The following ANKRD44 variants were observed in gnomAD, a reference collection of about 807,000 sequenced individuals.
The protein encoded by ANKRD44 is ankyrin repeat domain 44, also known as serine/threonine-protein phosphatase 6 regulatory ankyrin repeat subunit B.
Under a neutral mutation model 116.0 loss-of-function variants are expected in ANKRD44, and 35 were observed. The ratio of observed to expected loss-of-function variants is 0.30; its 90% CI spans 0.23 to 0.40. The LOEUF (loss-of-function observed/expected upper bound fraction) is 0.40, where lower values mean the gene tolerates loss of function less well. Among genes scored for constraint, ANKRD44 ranks in the 10% least tolerant of loss-of-function variants. The probability of loss-of-function intolerance (pLI) is 1.00; values close to 1 mark genes in which losing one functional copy is unlikely to be tolerated. For missense variants in ANKRD44, 1,014 were observed against 1,242.6 expected, an observed-to-expected ratio of 0.82 and a Z score of 2.77; for synonymous variants, 435 against 461.8, an observed-to-expected ratio of 0.94 and a Z score of 0.74.
At chr2:196,969,795 G>A (rs1311195962) in intron 21 of ANKRD44, among the ~76,000 whole-genome samples, 3 of 152,220 alleles carry the variant, frequency 2.0e-5, no homozygotes, top group Non-Finnish European at 2.9e-5. Flanking sequence ...TTAATGCTAC[G>A]TTAATAGTGT....
At chr2:197,175,046 C>A (rs1223789539) in intron 2 of ANKRD44, among the ~76,000 whole-genome samples, 1 of 152,068 alleles carries the variant, frequency 6.6e-6, no homozygotes, top group African/African-American at 2.4e-5. Flanking sequence ...TAGTGGTGGG[C>A]TCTTGTTGTT....
chr2:197,118,500 G>A (rs534892434), intron 8 of ANKRD44, among the ~76,000 whole-genome samples: 1 of 152,134 alleles, frequency 6.6e-6, no homozygotes, highest in African/African-American at 2.4e-5. Context: ...TGAGGCAGGA[G>A]AATCACTTGA....
chr2:197,294,709 T>C (rs1055686913), intron 1 of ANKRD44, among the ~76,000 whole-genome samples: 47 of 152,324 alleles, frequency 3.1e-4, no homozygotes, highest in African/African-American at 1.0e-3. Flanking sequence ...TAAGATTTAT[T>C]TTTAATTGTA....
intron 9 of ANKRD44, among the ~76,000 whole-genome samples, chr2:197,101,761 A>G (rs2078299155): frequency 6.6e-6 from 1 of 152,228 alleles, no homozygotes; most frequent in Admixed American, 6.5e-5. Context: ...GACTTTTTCC[A>G]CAATAATTTT....
chr2:197,018,674 G>A (rs79768727), intron 17 of ANKRD44, among the ~76,000 whole-genome samples: 3 of 152,008 alleles, frequency 2.0e-5, no homozygotes, highest in Non-Finnish European at 4.4e-5. Flanking sequence ...ACTTAATGTG[G>A]GTTGTTCCTG....
chr2:196,993,538 G>T, intron 27 of ANKRD44, 45 bp downstream of exon 27: 1 of 1,458,002 alleles, frequency 6.9e-7, no homozygotes, highest in Non-Finnish European at 9.4e-7. Context: ...GCTTCAACTA[G>T]CTTATGGAAG....
intron 16 of ANKRD44, among the ~76,000 whole-genome samples, chr2:197,075,121 A>G (rs1559042080): frequency 6.6e-6 from 1 of 152,182 alleles, no homozygotes. Context: ...GAAAGTAATC[A>G]GAGGCCTAGA....
At chr2:197,014,867 A>G (rs2076361743) in intron 17 of ANKRD44, 1 of 154,900 alleles carries the variant, frequency 6.5e-6, no homozygotes, top group African/African-American at 2.4e-5. Context: ...TATTGAGTCT[A>G]TAAGTTAAAA....
intron 1 of ANKRD44, among the ~76,000 whole-genome samples, chr2:197,257,107 T>TA (rs774763558): frequency 9.8e-5 from 15 of 152,300 alleles, no homozygotes; most frequent in Non-Finnish European, 1.8e-4. Flanking sequence ...TGCACAGGTT[T>TA]AGTGTTTAAA....
At chr2:197,118,633 G>GAAAGAAAGAAAGAAAGAAAGAA (rs767547012) in intron 8 of ANKRD44, among the ~76,000 whole-genome samples, 1 of 48,690 alleles carries the variant, frequency 2.1e-5, no homozygotes, top group African/African-American at 5.7e-5. Context: ...GAGAGAGAGA[G>GAAAGAAAGAAAGAAAGAAAGAA]AGAGAGAAAG....
chr2:197,273,780 T>C (rs2082967232), intron 1 of ANKRD44, among the ~76,000 whole-genome samples: 1 of 151,866 alleles, frequency 6.6e-6, no homozygotes. Context: ...CAAATGTCCT[T>C]GTCTATGCTA....
intron 1 of ANKRD44, among the ~76,000 whole-genome samples, chr2:197,232,462 A>C (rs1395106706): frequency 3.3e-5 from 5 of 152,242 alleles, no homozygotes; most frequent in Non-Finnish European, 7.3e-5. Context: ...CTTCAGTTTC[A>C]ACTCAGCAAT....
At chr2:197,197,532 C>T (rs570074968) in intron 1 of ANKRD44, among the ~76,000 whole-genome samples, 10 of 152,038 alleles carry the variant, frequency 6.6e-5, no homozygotes, top group African/African-American at 1.9e-4. Flanking sequence ...CACTGGAGGC[C>T]GGGCGCAGTA....
intron 16 of ANKRD44, among the ~76,000 whole-genome samples, chr2:197,039,033 T>C (rs76355145): frequency 0.083 from 12,672 of 152,272 alleles, 696 homozygotes; most frequent in African/African-American, 0.15. Context: ...GTGGGAGAAT[T>C]CCCAAATTCA....
intron 9 of ANKRD44, among the ~76,000 whole-genome samples, chr2:197,104,409 C>T (rs1212545783): frequency 6.6e-6 from 1 of 152,214 alleles, no homozygotes; most frequent in Non-Finnish European, 1.5e-5. Flanking sequence ...GGGTGACCCA[C>T]CACACCCAGG....
At chr2:197,130,807 A>G (rs2079077884) in intron 4 of ANKRD44, among the ~76,000 whole-genome samples, 1 of 152,276 alleles carries the variant, frequency 6.6e-6, no homozygotes, top group African/African-American at 2.4e-5. Flanking sequence ...AGGAAAGGGT[A>G]GAACATAAGT....
At chr2:197,051,149 C>T (rs769826263) in intron 16 of ANKRD44, among the ~76,000 whole-genome samples, 39 of 151,534 alleles carry the variant, frequency 2.6e-4, no homozygotes, top group Non-Finnish European at 4.9e-4. Flanking sequence ...TTTTTAGAGA[C>T]GGGGTTTCGC....
chr2:197,196,964 A>AT (rs5837528), intron 1 of ANKRD44, among the ~76,000 whole-genome samples: 34,002 of 150,920 alleles, frequency 0.23, 3,993 homozygotes, highest in Middle Eastern at 0.28. Context: ...GCCATTGTCA[A>AT]TTTTTTTTTT....
At chr2:197,173,477 A>T (rs1407583118) in intron 2 of ANKRD44, among the ~76,000 whole-genome samples, 3 of 152,202 alleles carry the variant, frequency 2.0e-5, no homozygotes, top group African/African-American at 7.2e-5. Flanking sequence ...GCAAAAACAG[A>T]CTTCCCTGAC....
Sources: gnomAD v4.1 joint callset for allele counts (sites outside exome capture counted in the v4.1 genomes callset) on GRCh38, gnomAD v4.1.1 for gene constraint, MANE v1.5 for transcripts, NCBI Gene and HGNC (gene_info 2026-07-23, HGNC 2026-07-21) for gene names.